The following SEMA3E variants were observed in gnomAD, a reference collection of about 807,000 sequenced individuals.
The protein encoded by SEMA3E is semaphorin-3E.
Under a neutral mutation model 93.6 loss-of-function variants are expected in SEMA3E, and 49 were observed. The observed-to-expected ratio is 0.52, with a 90% confidence interval of 0.42 to 0.66. The LOEUF is 0.66. Among genes scored for constraint, SEMA3E ranks in the 30% least tolerant of loss-of-function variants. The pLI is 0.00. For synonymous variants in SEMA3E, 363 were observed against 330.7 expected (o/e 1.10, Z -1.06); for missense variants, 906 against 964.8 (o/e 0.94, Z 0.81).
chr7:83,585,837 G>A (rs1031867161), intron 1 of SEMA3E, among the ~76,000 whole-genome samples: 3 of 152,194 alleles, frequency 2.0e-5, no homozygotes, highest in Non-Finnish European at 4.4e-5. Flanking sequence ...TGACTAAGCT[G>A]TGTGAAGTCT....
rs554548035 is a variant in SEMA3E, at chr7:83,563,990, C to T, written c.116-73716G>A. Among the ~76,000 whole-genome samples, 8 of 152,220 alleles carry T rather than the reference C, an allele frequency of 5.3e-5. No individual in the cohort carries two copies. In the South Asian group the frequency reaches 1.7e-3, roughly 32 times the overall value. On this transcript the variant is annotated intron_variant, in intron 1 of 16. Transcript: ENST00000643230. ...CCATTTCTCCATTTCTCAGCCAGTT[C>T]AACTGATTGTGCATGCAGATAGTTG... is the stretch of plus-strand genomic sequence containing the variant.
chr7:83,402,561 GA>G, intron 10 of SEMA3E, 70 bp downstream of exon 10: 1 of 1,405,330 alleles, frequency 7.1e-7, no homozygotes, highest in South Asian at 1.2e-5. Flanking sequence ...AAAGTCTTAT[GA>G]AACAGTGAAC....
At chr7:83,407,629 T>A (rs1034261158) in intron 6 of SEMA3E, among the ~76,000 whole-genome samples, 2 of 152,132 alleles carry the variant, frequency 1.3e-5, no homozygotes, top group Non-Finnish European at 2.9e-5. Flanking sequence ...AAGTAACATA[T>A]TAAAGTAAAT....
chr7:83,494,876 A>C (rs1790456951), intron 1 of SEMA3E, among the ~76,000 whole-genome samples: 1 of 151,962 alleles, frequency 6.6e-6, no homozygotes, highest in Non-Finnish European at 1.5e-5. Context: ...AGTGTTCATA[A>C]TTCATAGATT....
intron 1 of SEMA3E, among the ~76,000 whole-genome samples, chr7:83,531,879 A>G (rs1411749878): frequency 1.3e-5 from 2 of 152,296 alleles, no homozygotes; most frequent in African/African-American, 4.8e-5. Flanking sequence ...AATTTGAACC[A>G]CATTAAGACA....
At chr7:83,566,751 A>T (rs182424981) in intron 1 of SEMA3E, among the ~76,000 whole-genome samples, 6 of 152,336 alleles carry the variant, frequency 3.9e-5, no homozygotes. Context: ...AAACCACATG[A>T]AAGTTTAAAA....
intron 2 of SEMA3E, 129 bp from the exon 3 acceptor site, chr7:83,469,431 C>T (rs774830856): frequency 3.1e-6 from 2 of 637,716 alleles, no homozygotes; most frequent in African/African-American, 2.0e-5. Context: ...TGATAAGATA[C>T]AGTGGGTCTT....
At chr7:83,572,672 A>C (rs372501078) in intron 1 of SEMA3E, among the ~76,000 whole-genome samples, 1 of 152,010 alleles carries the variant, frequency 6.6e-6, no homozygotes, top group Non-Finnish European at 1.5e-5. Flanking sequence ...AACAAAAAAA[A>C]CAGATACATA....
chr7:83,382,231 G>T (rs1237309890), intron 16 of SEMA3E, among the ~76,000 whole-genome samples: 1 of 151,866 alleles, frequency 6.6e-6, no homozygotes, highest in Admixed American at 6.6e-5. Flanking sequence ...AGTAACCAGG[G>T]GAGTTATTAA....
intron 1 of SEMA3E, among the ~76,000 whole-genome samples, chr7:83,590,609 A>G (rs868230292): frequency 1.3e-5 from 2 of 152,158 alleles, no homozygotes; most frequent in South Asian, 2.1e-4. Flanking sequence ...ATTCTGCCCA[A>G]TTAAAATGAG....
chr7:83,538,726 T>A (rs1791459029), intron 1 of SEMA3E, among the ~76,000 whole-genome samples: 1 of 152,248 alleles, frequency 6.6e-6, no homozygotes, highest in African/African-American at 2.4e-5. Flanking sequence ...GTTTGCTTAG[T>A]TATCTTTGTA....
chr7:83,563,216 T>C (rs1189050019), intron 1 of SEMA3E, among the ~76,000 whole-genome samples: 1 of 152,196 alleles, frequency 6.6e-6, no homozygotes, highest in Non-Finnish European at 1.5e-5. Context: ...CTCTCTGGCC[T>C]CATGCAGCTT....
chr7:83,403,058 TA>T (rs1357396114), intron 9 of SEMA3E, among the ~76,000 whole-genome samples: 1 of 152,024 alleles, frequency 6.6e-6, no homozygotes, highest in East Asian at 1.9e-4. Flanking sequence ...TGTGTTTTTA[TA>T]TTTTTTTATT....
At chr7:83,580,348 C>T (rs932188607) in intron 1 of SEMA3E, among the ~76,000 whole-genome samples, 10 of 152,000 alleles carry the variant, frequency 6.6e-5, no homozygotes, top group African/African-American at 2.4e-4. Flanking sequence ...TTCTCCATCA[C>T]CTTCACCTTA....
intron 1 of SEMA3E, among the ~76,000 whole-genome samples, chr7:83,580,294 T>A (rs215297): frequency 0.57 from 86,946 of 151,752 alleles, 26,735 homozygotes; most frequent in African/African-American, 0.81. Context: ...TGAATTACTC[T>A]CTTCTACTAC....
intron 7 of SEMA3E, 150 bp from the exon 8 acceptor site, chr7:83,406,209 C>T (rs1562767660): frequency 7.2e-5 from 48 of 665,566 alleles, no homozygotes; most frequent in Non-Finnish European, 4.3e-5. Context: ...GTCATAGGTG[C>T]AACTCCCCAT....
At chr7:83,448,121 G>A (rs530775512) in intron 4 of SEMA3E, among the ~76,000 whole-genome samples, 6 of 152,196 alleles carry the variant, frequency 3.9e-5, no homozygotes, top group South Asian at 2.1e-4. Context: ...TTGCCAGTCC[G>A]GAAAAAGCAA....
At chr7:83,458,907 AAATAT>A (rs1789550296) in intron 4 of SEMA3E, among the ~76,000 whole-genome samples, 1 of 146,550 alleles carries the variant, frequency 6.8e-6, no homozygotes, top group African/African-American at 2.5e-5. Context: ...TATATATAAC[AAATAT>A]AAATATATAT....
At chr7:83,552,584 C>T (rs1477188954) in intron 1 of SEMA3E, among the ~76,000 whole-genome samples, 1 of 152,074 alleles carries the variant, frequency 6.6e-6, no homozygotes, top group African/African-American at 2.4e-5. Flanking sequence ...GAAGATATTG[C>T]TAAATTCTTT....
Sources: allele counts gnomAD v4.1 joint callset (sites outside exome capture counted in the v4.1 genomes callset), GRCh38; gene constraint gnomAD v4.1.1; transcripts MANE v1.5; gene names NCBI Gene and HGNC (gene_info 2026-07-23, HGNC 2026-07-21).